The following B3GALNT2 variants were observed in gnomAD, a reference collection of about 807,000 sequenced individuals.
B3GALNT2 encodes beta-1,3-N-acetylgalactosaminyltransferase 2, also known as UDP-GalNAc:beta-1,3-N-acetylgalactosaminyltransferase 2.
A neutral mutation model predicts 61.1 loss-of-function variants in B3GALNT2; 53 were observed. The observed-to-expected ratio is 0.87, with a 90% CI of 0.70 to 1.09. The LOEUF (loss-of-function observed/expected upper bound fraction) is 1.09, where lower values mean the gene tolerates loss of function less well. Ranked by LOEUF, B3GALNT2 falls within the 50% of genes least tolerant of loss-of-function variation. The pLI is 0.00. For missense variants in B3GALNT2, 544 were observed against 623.0 expected (o/e 0.87, Z 1.35); for synonymous variants, 223 against 237.4 (o/e 0.94, Z 0.56).
chr1:235,477,073 A>G (rs868495232), intron 5 of B3GALNT2, among the ~76,000 whole-genome samples: 1 of 152,072 alleles, frequency 6.6e-6, no homozygotes, highest in Non-Finnish European at 1.5e-5. Context: ...AAAAAGTCTT[A>G]ATAACTACAA....
Position 235,450,262 on chromosome 1 carries a change from C to T in B3GALNT2, c.1447G>A (p.Glu483Lys). The T allele has an allele frequency of 1.9e-6, 3 of 1,614,126 alleles. No individual in the cohort carries two copies. The highest frequency in any genetic ancestry group is 2.5e-6 in the Non-Finnish European group (3 of 1,179,980). ...SPQYSPWELT[E>K]LWKLKERCGD... is the part of the protein sequence containing the mutation. Reference sequence around the variant, plus strand: ...CACCGTTCCTTCAGTTTCCACAGTTCCGTCAGTTCCCACGGAGAATACTGA... The same window carrying T: ...CACCGTTCCTTCAGTTTCCACAGTTTCGTCAGTTCCCACGGAGAATACTGA... The change falls in exon 12 of 12, where the codon GAA (glutamate) becomes AAA (lysine). Residue 483 changes from glutamate to lysine, a missense_variant. By Grantham distance (56) the Glu-to-Lys change is moderately conservative. Transcript: ENST00000366600.
At chr1:235,501,786 T>C (rs1055573111) in intron 1 of B3GALNT2, among the ~76,000 whole-genome samples, 2 of 152,272 alleles carry the variant, frequency 1.3e-5, no homozygotes, top group South Asian at 2.1e-4. Flanking sequence ...AAAATGTTAA[T>C]TCAAGAAAAG....
chr1:235,482,797 A>C lies in B3GALNT2; in HGVS notation c.555+1525T>G, dbSNP rs573697212. 4.6e-5 allele frequency among the ~76,000 whole-genome samples: 7 copies of C among 152,272 alleles called. No individual in the cohort carries two copies. The South Asian group carries it at 1.5e-3, about 32-fold the overall frequency. On this transcript the variant is annotated intron_variant, in intron 4 of 11. Transcript: ENST00000366600. ...AACCACGACTGTGCCACTGCACTCC[A>C]GCTCAGGTAAAAGAGCGAGACCCTG...
At chr1:235,442,011 T>TA in the B3GALNT2 span, 1 of 691,298 alleles carries the variant, frequency 1.4e-6, no homozygotes, top group Non-Finnish European at 2.3e-6. Flanking sequence ...AATGAAAATT[T>TA]TTTTTTTTTT....
chr1:235,441,848 A>C, the B3GALNT2 span: 1 of 1,614,128 alleles, frequency 6.2e-7, no homozygotes, highest in South Asian at 1.1e-5. Flanking sequence ...AACTCAAAAC[A>C]CAGCAACCAC....
rs192871245 is a variant in B3GALNT2, at chr1:235,487,109, C to T, written c.361+2059G>A. Among the ~76,000 whole-genome samples the T allele has an allele frequency of 5.9e-4, 88 of 149,930 alleles. 1 individual carries two copies. Among genetic ancestry groups the T allele is most frequent in the African/African-American group, 2.1e-3 (84 of 40,630 alleles). ...CTGGGAGGTGGAGGTTGCAGTGAGC[C>T]GAGATCGCGCCATTGCACTCCAGTC... On this transcript the variant is annotated intron_variant, in intron 3 of 11. Coordinates refer to ENST00000366600, the MANE Select transcript of B3GALNT2 (RefSeq NM_152490.5).
At chr1:235,452,476 T>C (rs987938809) in intron 11 of B3GALNT2, 2 of 152,172 alleles carry the variant, frequency 1.3e-5, no homozygotes, top group African/African-American at 2.4e-5. Flanking sequence ...CTGCCCATGG[T>C]GTGATAAACA....
rs765661953 is a variant in B3GALNT2 at position 235,455,692 on chromosome 1, C to A, written c.1026-8G>T. The A allele has an allele frequency of 7.5e-6, 12 of 1,605,232 alleles. No homozygotes were observed. The highest frequency in any genetic ancestry group is 2.2e-5 in the South Asian group (2 of 90,664). On this transcript the variant is annotated splice_polypyrimidine_tract_variant and splice_region_variant and intron_variant, in intron 8 of 11. Coordinates refer to ENST00000366600, the MANE Select transcript of B3GALNT2 (RefSeq NM_152490.5). Reference sequence around the variant, plus strand: ...CTCGTTGTTTCCACAGTCCTGTTGACACAAAAGGGATAAGAAAGTCAGTGC... The same window carrying A: ...CTCGTTGTTTCCACAGTCCTGTTGAAACAAAAGGGATAAGAAAGTCAGTGC...
intron 4 of B3GALNT2, among the ~76,000 whole-genome samples, chr1:235,483,956 A>G (rs911983131): frequency 1.3e-5 from 2 of 152,290 alleles, no homozygotes; most frequent in African/African-American, 4.8e-5. Flanking sequence ...TTAGCCTTGT[A>G]TTACAGACTT....
intron 2 of B3GALNT2, among the ~76,000 whole-genome samples, chr1:235,492,049 C>A (rs1558439476): frequency 6.6e-6 from 1 of 152,186 alleles, no homozygotes; most frequent in Non-Finnish European, 1.5e-5. Flanking sequence ...CCCCTCCTAA[C>A]ACTCTATTTA....
At chr1:235,471,846 A>G (rs1684021246) in intron 5 of B3GALNT2, among the ~76,000 whole-genome samples, 1 of 152,174 alleles carries the variant, frequency 6.6e-6, no homozygotes, top group Admixed American at 6.5e-5. Flanking sequence ...GATATTTAGT[A>G]GAGACAGGGT....
intron 6 of B3GALNT2, among the ~76,000 whole-genome samples, chr1:235,469,771 A>T (rs957809225): frequency 6.6e-6 from 1 of 151,308 alleles, no homozygotes; most frequent in Non-Finnish European, 1.5e-5. Flanking sequence ...CATGTTGGCC[A>T]GGCTGGTCTT....
intron 1 of B3GALNT2, among the ~76,000 whole-genome samples, chr1:235,498,352 T>C (rs889131920): frequency 1.3e-5 from 2 of 152,046 alleles, no homozygotes; most frequent in East Asian, 3.9e-4. Flanking sequence ...CAGAAGGACA[T>C]AAAGATAATT....
At chr1:235,502,195 T>C (rs1374713105) in intron 1 of B3GALNT2, among the ~76,000 whole-genome samples, 1 of 152,244 alleles carries the variant, frequency 6.6e-6, no homozygotes, top group African/African-American at 2.4e-5. Context: ...GTATTTTTAG[T>C]AGAGACGGGG....
At chr1:235,454,566 G>A (rs1683078988) in intron 9 of B3GALNT2, among the ~76,000 whole-genome samples, 1 of 152,000 alleles carries the variant, frequency 6.6e-6, no homozygotes, top group African/African-American at 2.4e-5. Flanking sequence ...AGCCTCCCGA[G>A]TAGCTGGGAT....
intron 8 of B3GALNT2, among the ~76,000 whole-genome samples, chr1:235,457,084 G>A (rs1446417136): frequency 6.6e-6 from 1 of 151,226 alleles, no homozygotes; most frequent in Non-Finnish European, 1.5e-5. Context: ...AAGGCAGGAA[G>A]ACTGCTTGAG....
chr1:235,444,496 C>T (rs1443800090), downstream of B3GALNT2, among the ~76,000 whole-genome samples: 1 of 152,108 alleles, frequency 6.6e-6, no homozygotes, highest in African/African-American at 2.4e-5. Context: ...ACCTTGATCC[C>T]GGGCTCAAGT....
intron 1 of B3GALNT2, among the ~76,000 whole-genome samples, chr1:235,500,865 C>A (rs1572568687): frequency 6.6e-6 from 1 of 152,196 alleles, no homozygotes; most frequent in Non-Finnish European, 1.5e-5. Context: ...AACTGAAGCA[C>A]AGAGACACAA....
chr1:235,481,215 C>T (rs147578370), intron 4 of B3GALNT2, among the ~76,000 whole-genome samples: 3 of 152,300 alleles, frequency 2.0e-5, no homozygotes, highest in Non-Finnish European at 4.4e-5. Flanking sequence ...CCATCTTAGA[C>T]TAGTCCTTCC....
Sources: gnomAD v4.1 joint callset for allele counts (sites outside exome capture counted in the v4.1 genomes callset) on GRCh38, gnomAD v4.1.1 for gene constraint, MANE v1.5 for transcripts, NCBI Gene and HGNC (gene_info 2026-07-23, HGNC 2026-07-21) for gene names.